PODXL2: variants seen among roughly 807,000 people sequenced by gnomAD.
The protein encoded by PODXL2 is podocalyxin-like protein 2.
In PODXL2, 17 loss-of-function variants were observed where a neutral mutation model predicts 53.4. The ratio of observed to expected loss-of-function variants is 0.32; its 90% confidence interval spans 0.22 to 0.48. PODXL2 has a LOEUF of 0.48. Ranked by LOEUF, PODXL2 falls within the 20% of genes least tolerant of loss-of-function variation. The pLI is 0.99. For synonymous variants in PODXL2, 311 were observed against 306.7 expected (o/e 1.01, Z -0.15); for missense variants, 673 against 760.0 (o/e 0.89, Z 1.35).
intron 2 of PODXL2, among the ~76,000 whole-genome samples, chr3:127,639,840 G>A (rs143993971): frequency 6.6e-6 from 1 of 152,018 alleles, no homozygotes; most frequent in African/African-American, 2.4e-5. Context: ...CTGAGACTGA[G>A]AGGTTAAAAG....
intron 2 of PODXL2, among the ~76,000 whole-genome samples, chr3:127,646,734 G>A (rs895929910): frequency 2.6e-5 from 4 of 152,194 alleles, no homozygotes; most frequent in African/African-American, 9.6e-5. Flanking sequence ...CATTCTGTGA[G>A]CTCAGCCAGG....
At chr3:127,645,242 T>G (rs2107706734) in intron 2 of PODXL2, among the ~76,000 whole-genome samples, 1 of 152,322 alleles carries the variant, frequency 6.6e-6, no homozygotes, top group East Asian at 1.9e-4. Context: ...AGTAGGGTGC[T>G]TTGCCCAAGG....
At chr3:127,664,384 T>TTA (rs2074783730) in intron 4 of PODXL2, among the ~76,000 whole-genome samples, 1 of 152,126 alleles carries the variant, frequency 6.6e-6, no homozygotes, top group Non-Finnish European at 1.5e-5. Context: ...ATACCACATG[T>TTA]TATTTATCCA....
chr3:127,645,832 T>G (rs779847517), intron 2 of PODXL2, among the ~76,000 whole-genome samples: 2 of 152,172 alleles, frequency 1.3e-5, no homozygotes, highest in Non-Finnish European at 2.9e-5. Flanking sequence ...TCTGCTCTTG[T>G]GCCCCGGAGC....
At chr3:127,653,313 C>G (rs567961264) in intron 2 of PODXL2, among the ~76,000 whole-genome samples, 2 of 152,314 alleles carry the variant, frequency 1.3e-5, no homozygotes, top group East Asian at 3.9e-4. Context: ...TTCTATTCCC[C>G]TCTTGACAGC....
rs1301841646 is a variant in PODXL2 at position 127,660,760 on chromosome 3, G to A, written c.732G>A (p.Leu244=). The A allele has an allele frequency of 6.2e-7, 1 of 1,614,184 alleles. No homozygotes were observed. Among genetic ancestry groups the A allele is most frequent in the Non-Finnish European group, 8.5e-7 (1 of 1,180,018 alleles). ...EVESSMGPSL[L]LPSVTPTTVT... is the part of the protein sequence containing the mutation. ...AGAGCAGCATGGGGCCCAGCTTGCT[G>A]CTGCCTTCAGTCACCCCAACTACAG... Residue 244 remains leucine (L), a synonymous_variant, in exon 3 of 8, where the codon CTG becomes CTA. Coordinates refer to ENST00000342480, the MANE Select transcript of PODXL2 (RefSeq NM_015720.4).
At chr3:127,664,329 TTC>T (rs1327799214) in intron 4 of PODXL2, among the ~76,000 whole-genome samples, 10 of 152,076 alleles carry the variant, frequency 6.6e-5, no homozygotes, top group Non-Finnish European at 1.5e-4. Context: ...TGGCAGAAAT[TTC>T]TTTTTTTTTT....
intron 2 of PODXL2, among the ~76,000 whole-genome samples, chr3:127,654,448 C>T (rs952119605): frequency 1.3e-5 from 2 of 152,218 alleles, no homozygotes; most frequent in African/African-American, 4.8e-5. Context: ...TGCTTTCACA[C>T]TGCTGGTGTT....
At chr3:127,638,503 T>G (rs1054522490) in intron 1 of PODXL2, among the ~76,000 whole-genome samples, 1 of 152,110 alleles carries the variant, frequency 6.6e-6, no homozygotes, top group Non-Finnish European at 1.5e-5. Flanking sequence ...TCACTTGAGG[T>G]CACGAGTTCA....
chr3:127,652,439 G>C (rs1046904866), intron 2 of PODXL2, among the ~76,000 whole-genome samples: 1 of 152,150 alleles, frequency 6.6e-6, no homozygotes, highest in Non-Finnish European at 1.5e-5. Flanking sequence ...AATCAATCCA[G>C]GAGGTCCTCC....
At chr3:127,633,327 A>G (rs769673934) in intron 1 of PODXL2, among the ~76,000 whole-genome samples, 1 of 152,248 alleles carries the variant, frequency 6.6e-6, no homozygotes, top group African/African-American at 2.4e-5. Context: ...ATAGCTTTCC[A>G]TTCTTCTTCC....
Position 127,672,585 on chromosome 3 carries a change from CCCGCGGCCTGG to C in PODXL2, c.*108_*118del. ...CAGCCCCGCGCCTACCCGGGCCGCC[CCCGCGGCCTGG>C]CCCTCGGCGCGGGCTCCTTCCCGCT... On this transcript the variant is annotated 3_prime_UTR_variant, in exon 8 of 8. Transcript: ENST00000342480. 1 of 731,492 alleles carries C rather than the reference CCCGCGGCCTGG, an allele frequency of 1.4e-6. No homozygotes were observed. The allele number at this position is 731,492 out of a possible 1,614,324, so 45.3% of individuals were successfully genotyped here.
intron 2 of PODXL2, among the ~76,000 whole-genome samples, chr3:127,643,930 C>T (rs551935993): frequency 2.6e-4 from 40 of 152,134 alleles, no homozygotes; most frequent in Non-Finnish European, 4.7e-4. Flanking sequence ...TGAGCCAGCA[C>T]GCCTGGCCCC....
intron 5 of PODXL2, 73 bp from the exon 6 acceptor site, chr3:127,669,068 C>T (rs549940714): frequency 3.2e-5 from 31 of 962,816 alleles, no homozygotes; most frequent in East Asian, 2.2e-4. Context: ...TGTTGGAGAG[C>T]GGGGCCAGAG....
chr3:127,652,138 A>G (rs1299504636), intron 2 of PODXL2, among the ~76,000 whole-genome samples: 1 of 152,220 alleles, frequency 6.6e-6, no homozygotes, highest in Non-Finnish European at 1.5e-5. Flanking sequence ...AGAGTCTAAG[A>G]GTCTTACAAC....
intron 2 of PODXL2, among the ~76,000 whole-genome samples, chr3:127,649,295 G>A (rs2074674710): frequency 6.6e-6 from 1 of 152,208 alleles, no homozygotes; most frequent in African/African-American, 2.4e-5. Flanking sequence ...TCTTTGGGCA[G>A]TCCCCTGCCA....
At chr3:127,656,304 C>G (rs1054214524) in intron 2 of PODXL2, among the ~76,000 whole-genome samples, 1 of 152,176 alleles carries the variant, frequency 6.6e-6, no homozygotes, top group African/African-American at 2.4e-5. Flanking sequence ...AAAACTGAAG[C>G]CCAGGCCAGG....
intron 2 of PODXL2, among the ~76,000 whole-genome samples, chr3:127,643,762 C>T (rs1424226410): frequency 2.0e-5 from 3 of 151,996 alleles, no homozygotes; most frequent in Non-Finnish European, 4.4e-5. Context: ...CTTCAGCCTC[C>T]CAGGTAGCTG....
At chr3:127,653,133 G>T (rs1362383555) in intron 2 of PODXL2, among the ~76,000 whole-genome samples, 1 of 152,058 alleles carries the variant, frequency 6.6e-6, no homozygotes. Context: ...CCCTCTCAAT[G>T]CAGCGAGTCC....
Sources: allele counts gnomAD v4.1 joint callset (sites outside exome capture counted in the v4.1 genomes callset), GRCh38; gene constraint gnomAD v4.1.1; transcripts MANE v1.5; gene names NCBI Gene and HGNC (gene_info 2026-07-23, HGNC 2026-07-21).